The following SMCO4 variants were observed in gnomAD, a reference collection of about 807,000 sequenced individuals.
The protein encoded by SMCO4 is single-pass membrane protein with coiled-coil domains 4.
In SMCO4, 4 loss-of-function variants were observed where a neutral mutation model predicts 3.6. The ratio of observed to expected loss-of-function variants is 1.11; its 90% confidence interval spans 0.54 to 2.53. The LOEUF (loss-of-function observed/expected upper bound fraction) is 2.53, where lower values mean the gene tolerates loss of function less well. Ranked by LOEUF, SMCO4 falls within the 30% of genes most tolerant of loss-of-function variation. SMCO4 has a pLI of 0.02. For synonymous variants in SMCO4, 36 were observed against 35.3 expected, an observed-to-expected ratio of 1.02 and a Z score of -0.07; for missense variants, 70 against 80.8, an observed-to-expected ratio of 0.87 and a Z score of 0.51.
rs78732804 is a variant in SMCO4 at position 93,527,843 on chromosome 11, T to C, written c.-154+15433A>G. The stretch of plus-strand genomic sequence containing the variant: ...GTTTGCTTTTAAGAAACAGGATGGG[T>C]TTTGCTATGTAGCCCTCAAACTCCT... On this transcript the variant is annotated intron_variant, in intron 1 of 2. Transcript: ENST00000298966. Among the ~76,000 whole-genome samples, 662 of 152,080 alleles carry C rather than the reference T, an allele frequency of 4.4e-3. 6 individuals carry two copies. The highest frequency in any genetic ancestry group is 4.8e-3 in the Non-Finnish European group (327 of 68,012).
At chr11:93,522,438 T>C (rs1204641513) in intron 1 of SMCO4, among the ~76,000 whole-genome samples, 3 of 152,234 alleles carry the variant, frequency 2.0e-5, no homozygotes, top group Admixed American at 6.5e-5. Flanking sequence ...AGTCTGGTCA[T>C]GTGGCACGAC....
At chr11:93,529,267 C>G (rs899462747) in intron 1 of SMCO4, among the ~76,000 whole-genome samples, 1 of 152,216 alleles carries the variant, frequency 6.6e-6, no homozygotes, top group African/African-American at 2.4e-5. Context: ...ATTTGTAACA[C>G]TCACTTTTCT....
intron 1 of SMCO4, among the ~76,000 whole-genome samples, chr11:93,542,259 T>TGCCACCCTC (rs1481119304): frequency 6.6e-6 from 1 of 152,166 alleles, no homozygotes; most frequent in Non-Finnish European, 1.5e-5. Context: ...CTTCCACCCT[T>TGCCACCCTC]GCCACCCTCG....
chr11:93,491,407 T>C (rs1483115978), intron 2 of SMCO4, among the ~76,000 whole-genome samples: 1 of 152,240 alleles, frequency 6.6e-6, no homozygotes, highest in East Asian at 1.9e-4. Context: ...ACATGAAACA[T>C]CTGCCTTGTT....
At chr11:93,516,265 G>C (rs1949007093) in intron 1 of SMCO4, among the ~76,000 whole-genome samples, 1 of 152,166 alleles carries the variant, frequency 6.6e-6, no homozygotes, top group Non-Finnish European at 1.5e-5. Context: ...AAGGGAGAAT[G>C]CCGGTCCCAA....
intron 1 of SMCO4, chr11:93,535,849 T>C: frequency 1.2e-6 from 2 of 1,610,150 alleles, no homozygotes; most frequent in South Asian, 1.1e-5. Flanking sequence ...CTTTCACCAA[T>C]TAACCACTGA....
At chr11:93,522,721 G>A (rs1290008094) in intron 1 of SMCO4, among the ~76,000 whole-genome samples, 1 of 152,200 alleles carries the variant, frequency 6.6e-6, no homozygotes. Context: ...TCTGATGAGA[G>A]AGTGTCTGAT....
chr11:93,521,454 G>T (rs1013877687), intron 1 of SMCO4, among the ~76,000 whole-genome samples: 69 of 152,266 alleles, frequency 4.5e-4, no homozygotes, highest in African/African-American at 1.6e-3. Context: ...CATAATACCT[G>T]AGGTAGGTAC....
At chr11:93,514,400 A>AAAAAAT (rs1948987438) in intron 1 of SMCO4, among the ~76,000 whole-genome samples, 1 of 95,876 alleles carries the variant, frequency 1.0e-5, no homozygotes, top group African/African-American at 4.2e-5. Context: ...ATATATATAT[A>AAAAAAT]TATATATATA....
chr11:93,521,552 T>A (rs1949058640), intron 1 of SMCO4, among the ~76,000 whole-genome samples: 1 of 152,148 alleles, frequency 6.6e-6, no homozygotes. Context: ...ACAAACAGAA[T>A]TCAAACACAG....
At chr11:93,487,360 A>G (rs775729493) in intron 2 of SMCO4, among the ~76,000 whole-genome samples, 1 of 152,156 alleles carries the variant, frequency 6.6e-6, no homozygotes, top group Non-Finnish European at 1.5e-5. Context: ...TGACAGCCAC[A>G]CAGGTGCCAG....
At chr11:93,497,095 A>AAT (rs1304529374) in intron 2 of SMCO4, among the ~76,000 whole-genome samples, 2 of 152,216 alleles carry the variant, frequency 1.3e-5, no homozygotes, top group African/African-American at 2.4e-5. Flanking sequence ...CCCCTTCTAG[A>AAT]ATAGAAGCTG....
the SMCO4 span, among the ~76,000 whole-genome samples, chr11:93,549,243 T>A: frequency 6.6e-6 from 1 of 152,198 alleles, no homozygotes; most frequent in Non-Finnish European, 1.5e-5. Context: ...TTGTTCTTAA[T>A]CCCTGTTTTA....
chr11:93,501,902 G>A (rs11020383), intron 1 of SMCO4, among the ~76,000 whole-genome samples: 1 of 151,966 alleles, frequency 6.6e-6, no homozygotes, highest in Non-Finnish European at 1.5e-5. Context: ...GTCAAATGTA[G>A]CAGGTTCCCT....
At chr11:93,534,185 C>T (rs1243127309) in intron 1 of SMCO4, among the ~76,000 whole-genome samples, 12 of 141,070 alleles carry the variant, frequency 8.5e-5, no homozygotes, top group Admixed American at 2.2e-4. Flanking sequence ...AATGAGACTC[C>T]GTCTCAAAAA....
chr11:93,509,318 T>G (rs1948937473), intron 1 of SMCO4, among the ~76,000 whole-genome samples: 1 of 149,066 alleles, frequency 6.7e-6, no homozygotes, highest in Non-Finnish European at 1.5e-5. Flanking sequence ...AAAAAGTTGC[T>G]CACAAGGGGC....
intron 1 of SMCO4, 36 bp downstream of exon 1, chr11:93,543,240 C>CG (rs1949287891): frequency 6.8e-6 from 1 of 146,504 alleles, no homozygotes; most frequent in Non-Finnish European, 1.5e-5. Flanking sequence ...GCTCGCCCGC[C>CG]CCGCCGCCGC....
At chr11:93,509,641 T>C (rs1043034705) in intron 1 of SMCO4, among the ~76,000 whole-genome samples, 5 of 152,144 alleles carry the variant, frequency 3.3e-5, no homozygotes, top group African/African-American at 1.2e-4. Context: ...TGCGTCATAA[T>C]AAAGAATGAA....
intron 1 of SMCO4, among the ~76,000 whole-genome samples, chr11:93,508,505 T>G (rs1268084826): frequency 1.3e-5 from 2 of 152,174 alleles, no homozygotes; most frequent in African/African-American, 4.8e-5. Flanking sequence ...TATTAAAATG[T>G]AATGATTTAA....
Sources: allele counts gnomAD v4.1 joint callset (sites outside exome capture counted in the v4.1 genomes callset), GRCh38; gene constraint gnomAD v4.1.1; transcripts MANE v1.5; gene names NCBI Gene and HGNC (gene_info 2026-07-23, HGNC 2026-07-21).